CRLF3: variants seen among roughly 807,000 people sequenced by gnomAD.
CRLF3 encodes cytokine receptor-like factor 3.
CRLF3 carries 33 observed loss-of-function variants against 55.0 expected under a neutral mutation model. That is an observed-to-expected ratio of 0.60 (90% confidence interval 0.46 to 0.80). CRLF3 has a LOEUF of 0.80. Among genes scored for constraint, CRLF3 ranks in the 30% least tolerant of loss-of-function variants. CRLF3 has a pLI of 0.00. For missense variants in CRLF3, 494 were observed against 538.4 expected (o/e 0.92, Z 0.82); for synonymous variants, 238 against 196.8 (o/e 1.21, Z -1.75).
chr17:30,821,808 A>G (rs1029764767), intron 1 of CRLF3, among the ~76,000 whole-genome samples: 1 of 152,138 alleles, frequency 6.6e-6, no homozygotes. Context: ...GGGGTGATGA[A>G]TATATACTTG....
At chr17:30,813,884 G>C (rs144265810) in intron 1 of CRLF3, among the ~76,000 whole-genome samples, 13 of 151,982 alleles carry the variant, frequency 8.6e-5, no homozygotes, top group African/African-American at 3.1e-4. Context: ...GGAAAATTTA[G>C]TTTCTCAAGC....
chr17:30,785,814 A>C, intron 7 of CRLF3, 105 bp downstream of exon 7: 2 of 613,302 alleles, frequency 3.3e-6, no homozygotes, highest in Non-Finnish European at 5.5e-6. Flanking sequence ...AAAAATACCT[A>C]AATTTTCTCA....
Position 30,783,931 on chromosome 17 carries a change from C to A in CRLF3, c.*256G>T. On this transcript the variant is annotated 3_prime_UTR_variant, in exon 8 of 8. Transcript: ENST00000324238. ...TATAGAACTTCCTATATCTTCTATA[C>A]TTTTAATGCCAATTTGATTTTTATT... The A allele has an allele frequency of 2.5e-6, 1 of 403,080 alleles. No homozygotes were observed. Among genetic ancestry groups the A allele is most frequent in the Non-Finnish European group, 4.5e-6 (1 of 224,090 alleles). The allele number at this position is 403,080 out of a possible 1,614,324, so 25.0% of individuals were successfully genotyped here.
intron 6 of CRLF3, among the ~76,000 whole-genome samples, chr17:30,790,347 T>C (rs1285525111): frequency 6.6e-6 from 1 of 152,156 alleles, no homozygotes; most frequent in Non-Finnish European, 1.5e-5. Flanking sequence ...TGGTCTTTAG[T>C]TTCTACGAAG....
At chr17:30,785,571 C>T (rs1971623496) in intron 7 of CRLF3, among the ~76,000 whole-genome samples, 1 of 151,784 alleles carries the variant, frequency 6.6e-6, no homozygotes, top group African/African-American at 2.4e-5. Flanking sequence ...TTGCTGGAAA[C>T]CAGGAGTCAA....
chr17:30,821,506 T>C (rs1316547539), intron 1 of CRLF3, among the ~76,000 whole-genome samples: 1 of 152,226 alleles, frequency 6.6e-6, no homozygotes, highest in East Asian at 1.9e-4. Flanking sequence ...GCATTATTCA[T>C]AATAGTCAAA....
chr17:30,790,005 C>CCT (rs780879066), intron 6 of CRLF3, among the ~76,000 whole-genome samples: 2 of 148,068 alleles, frequency 1.4e-5, no homozygotes, highest in African/African-American at 2.5e-5. Context: ...TTTTTTTTTT[C>CCT]CTCTCTCTCT....
intron 6 of CRLF3, among the ~76,000 whole-genome samples, chr17:30,790,383 G>T (rs1971765046): frequency 6.6e-6 from 1 of 152,010 alleles, no homozygotes; most frequent in Admixed American, 6.6e-5. Flanking sequence ...TGACTATAAA[G>T]AATACATCTC....
chr17:30,815,679 C>T (rs1904776634), intron 1 of CRLF3, among the ~76,000 whole-genome samples: 1 of 148,410 alleles, frequency 6.7e-6, no homozygotes, highest in African/African-American at 2.5e-5. Context: ...GAGCAGCTGG[C>T]ATTACAGGCG....
intron 1 of CRLF3, among the ~76,000 whole-genome samples, chr17:30,819,362 C>CT (rs1276876580): frequency 6.6e-6 from 1 of 152,158 alleles, no homozygotes; most frequent in East Asian, 1.9e-4. Flanking sequence ...AGTTTTTGGA[C>CT]TTACAAAGAT....
chr17:30,823,148 G>A (rs1252857352), intron 1 of CRLF3, among the ~76,000 whole-genome samples: 1 of 152,028 alleles, frequency 6.6e-6, no homozygotes, highest in Admixed American at 6.6e-5. Context: ...TGGATCACGA[G>A]GTCAGGAGTT....
chr17:30,789,585 A>G (rs1971740126), intron 6 of CRLF3, among the ~76,000 whole-genome samples: 1 of 152,206 alleles, frequency 6.6e-6, no homozygotes, highest in Non-Finnish European at 1.5e-5. Context: ...GCCTGGATTT[A>G]AACCCTAGTT....
intron 3 of CRLF3, 65 bp downstream of exon 3, chr17:30,797,246 G>A (rs1196171422): frequency 9.2e-7 from 1 of 1,091,966 alleles, no homozygotes; most frequent in South Asian, 1.3e-5. Flanking sequence ...TTGAACAGAG[G>A]GAGGAAAAAA....
In CRLF3 at chr17:30,788,593, T is replaced by TGCC. The variant is rs1436509160; in HGVS notation, c.960-2565_960-2563dup. ...CTGACTGGGATAAATAACAAAGTAG[T>TGCC]GCCTTCTTTTTTTTTTTTTTTTTTT... On this transcript the variant is annotated intron_variant, in intron 6 of 7. Transcript: ENST00000324238. Among the ~76,000 whole-genome samples the TGCC allele has an allele frequency of 3.6e-5, 5 of 137,872 alleles. No individual in the cohort carries two copies. In the East Asian group the frequency reaches 1.1e-3, roughly 29 times the overall value. 90.4% of individuals were successfully genotyped at this position (137,872 alleles called of 152,430 possible).
chr17:30,807,678 G>T (rs1239452577), intron 1 of CRLF3, among the ~76,000 whole-genome samples: 1 of 151,646 alleles, frequency 6.6e-6, no homozygotes, highest in African/African-American at 2.4e-5. Flanking sequence ...GATTACAGGC[G>T]CATGCCACCA....
chr17:30,784,699 T>G, intron 7 of CRLF3: 1 of 374,174 alleles, frequency 2.7e-6, no homozygotes, highest in Non-Finnish European at 4.8e-6. Context: ...GCAAGACTAT[T>G]TCTTATGGAA....
intron 2 of CRLF3, 62 bp from the exon 3 acceptor site, chr17:30,797,460 A>C: frequency 7.4e-7 from 1 of 1,345,390 alleles, no homozygotes; most frequent in Non-Finnish European, 1.1e-6. Context: ...TAATCAACAC[A>C]ACTCATGTCT....
At chr17:30,788,676 C>A (rs1051280945) in intron 6 of CRLF3, among the ~76,000 whole-genome samples, 11 of 137,092 alleles carry the variant, frequency 8.0e-5, no homozygotes, top group Admixed American at 2.5e-4. Context: ...GGCGTGATCT[C>A]GGCTCACTGC....
intron 1 of CRLF3, among the ~76,000 whole-genome samples, chr17:30,821,764 G>C (rs531449385): frequency 3.5e-4 from 54 of 152,206 alleles, no homozygotes; most frequent in African/African-American, 1.3e-3. Flanking sequence ...TGGTTGCCAG[G>C]GGGTATGGGA....
Sources: gnomAD v4.1 joint callset for allele counts (sites outside exome capture counted in the v4.1 genomes callset) on GRCh38, gnomAD v4.1.1 for gene constraint, MANE v1.5 for transcripts, NCBI Gene and HGNC (gene_info 2026-07-23, HGNC 2026-07-21) for gene names.